The following PLEKHG1 variants were observed in gnomAD, a reference collection of about 807,000 sequenced individuals.
The protein encoded by PLEKHG1 is pleckstrin homology domain-containing family G member 1.
A neutral mutation model predicts 100.8 loss-of-function variants in PLEKHG1; 44 were observed. The observed-to-expected ratio is 0.44, with a 90% CI of 0.34 to 0.56. PLEKHG1 has a LOEUF of 0.56. Ranked by LOEUF, PLEKHG1 falls within the 20% of genes least tolerant of loss-of-function variation. The probability of loss-of-function intolerance (pLI) is 0.01; values close to 1 mark genes in which losing one functional copy is unlikely to be tolerated. For synonymous variants in PLEKHG1, 640 were observed against 662.5 expected (o/e 0.97, Z 0.52); for missense variants, 1,545 against 1,720.9 (o/e 0.90, Z 1.81).
intron 3 of PLEKHG1, among the ~76,000 whole-genome samples, chr6:150,785,713 C>A (rs541519016): frequency 6.6e-6 from 1 of 152,132 alleles, no homozygotes; most frequent in Non-Finnish European, 1.5e-5. Flanking sequence ...GAGTCCCCAA[C>A]CCCCAGGTCA....
intron 2 of PLEKHG1, among the ~76,000 whole-genome samples, chr6:150,758,916 A>C (rs1437178009): frequency 2.0e-5 from 3 of 152,010 alleles, no homozygotes; most frequent in Non-Finnish European, 1.5e-5. Context: ...GAGCTAAAAC[A>C]CCCTGCTTTC....
intron 3 of PLEKHG1, among the ~76,000 whole-genome samples, chr6:150,769,369 G>A (rs1288862372): frequency 2.0e-5 from 3 of 151,932 alleles, no homozygotes; most frequent in African/African-American, 4.8e-5. Flanking sequence ...ATCACTTGAG[G>A]TTAGGAGTTC....
At chr6:150,774,162 A>T (rs768238586) in intron 3 of PLEKHG1, among the ~76,000 whole-genome samples, 1 of 152,210 alleles carries the variant, frequency 6.6e-6, no homozygotes, top group Non-Finnish European at 1.5e-5. Context: ...CATCTTTTAC[A>T]GTTCTTCTAC....
At chr6:150,693,645 G>C (rs992857382) in intron 3 of PLEKHG1, among the ~76,000 whole-genome samples, 1 of 152,124 alleles carries the variant, frequency 6.6e-6, no homozygotes, top group Non-Finnish European at 1.5e-5. Flanking sequence ...TCCAACACTT[G>C]GCTGCTTTCT....
At chr6:150,755,936 A>C (rs71570235) in intron 2 of PLEKHG1, among the ~76,000 whole-genome samples, 21,268 of 152,168 alleles carry the variant, frequency 0.14, 162 homozygotes, top group African/African-American at 0.3. Flanking sequence ...TGGTAGATAG[A>C]AGCTGCATTT....
chr6:150,636,506 G>A (rs914641562), intron 1 of PLEKHG1, among the ~76,000 whole-genome samples: 10 of 151,320 alleles, frequency 6.6e-5, no homozygotes, highest in Non-Finnish European at 1.3e-4. Context: ...TGGTTCACTA[G>A]GGTCTTCTTC....
At chr6:150,756,065 T>G (rs914503341) in intron 2 of PLEKHG1, among the ~76,000 whole-genome samples, 2 of 152,034 alleles carry the variant, frequency 1.3e-5, no homozygotes, top group African/African-American at 4.8e-5. Flanking sequence ...CTCTCTTAGG[T>G]TAAAGAGGGA....
chr6:150,820,261 G>T (rs1162413738), intron 12 of PLEKHG1, among the ~76,000 whole-genome samples: 1 of 151,938 alleles, frequency 6.6e-6, no homozygotes, highest in African/African-American at 2.4e-5. Context: ...TATCAAGCAT[G>T]CCAGTCAACT....
At position 150,804,596 on chromosome 6, in the gene PLEKHG1, C is replaced by G; in HGVS notation, c.781-14C>G. Reference sequence around the variant, plus strand: ...AATGAAAAAAAAAAAAACCCTCGTTCTTTTTTGTTTAAGGAAATAGAAAAC... The same window carrying G: ...AATGAAAAAAAAAAAAACCCTCGTTGTTTTTTGTTTAAGGAAATAGAAAAC... On this transcript the variant is annotated splice_polypyrimidine_tract_variant and intron_variant, in intron 6 of 15. Transcript: ENST00000358517. 6.7e-7 allele frequency: 1 copy of G among 1,494,624 alleles called. No individual in the cohort carries two copies. The highest frequency in any genetic ancestry group is 9.0e-7 in the Non-Finnish European group (1 of 1,110,048). The allele number at this position is 1,494,624 out of a possible 1,614,324, so 92.6% of individuals were successfully genotyped here.
intron 2 of PLEKHG1, among the ~76,000 whole-genome samples, chr6:150,740,754 TC>T (rs1463389933): frequency 6.6e-6 from 1 of 152,210 alleles, no homozygotes; most frequent in Non-Finnish European, 1.5e-5. Flanking sequence ...TCTATTTTTT[TC>T]CTCCAAGGGA....
At chr6:150,786,253 T>A in intron 3 of PLEKHG1, 137 bp from the exon 5 acceptor site, 1 of 647,684 alleles carries the variant, frequency 1.5e-6, no homozygotes, top group Non-Finnish European at 2.7e-6. Flanking sequence ...TTGGATACAA[T>A]GACAGCAGAT....
At chr6:150,806,940 C>G (rs181723494) in intron 7 of PLEKHG1, among the ~76,000 whole-genome samples, 47 of 152,060 alleles carry the variant, frequency 3.1e-4, no homozygotes, top group Admixed American at 2.9e-3. Flanking sequence ...CACTGCCTTT[C>G]TCCCTCCCAC....
intron 1 of PLEKHG1, among the ~76,000 whole-genome samples, chr6:150,730,579 G>A (rs891241820): frequency 6.6e-5 from 10 of 152,066 alleles, no homozygotes; most frequent in African/African-American, 1.2e-4. Flanking sequence ...CTGACAGGCC[G>A]TGGACCGGTA....
chr6:150,793,519 TAAAG>T (rs1245018759), intron 4 of PLEKHG1, among the ~76,000 whole-genome samples: 4 of 152,118 alleles, frequency 2.6e-5, no homozygotes, highest in Admixed American at 6.5e-5. Flanking sequence ...AGCTAATAAA[TAAAG>T]AAGGAATAAA....
chr6:150,809,511 C>T, intron 9 of PLEKHG1, 35 bp downstream of exon 10: 1 of 1,557,214 alleles, frequency 6.4e-7, no homozygotes, highest in Admixed American at 1.7e-5. Context: ...CGCAAGGCCC[C>T]TTTGTGTAAT....
At chr6:150,633,706 G>T (rs1262407553) in intron 1 of PLEKHG1, among the ~76,000 whole-genome samples, 1 of 152,284 alleles carries the variant, frequency 6.6e-6, no homozygotes, top group East Asian at 1.9e-4. Context: ...AAACCAATTT[G>T]GTTGAGGCAG....
intron 10 of PLEKHG1, among the ~76,000 whole-genome samples, chr6:150,817,121 G>A (rs1177152869): frequency 2.0e-5 from 3 of 152,174 alleles, no homozygotes; most frequent in African/African-American, 7.2e-5. Context: ...CGGGGGTTGG[G>A]GACCCCTGCC....
chr6:150,682,266 G>T (rs1451957501), intron 3 of PLEKHG1, among the ~76,000 whole-genome samples: 1 of 152,124 alleles, frequency 6.6e-6, no homozygotes, highest in East Asian at 1.9e-4. Context: ...GTGCACTAAA[G>T]CTGCTTACCA....
At chr6:150,615,701 C>T (rs1047651851) in intron 1 of PLEKHG1, among the ~76,000 whole-genome samples, 4 of 151,998 alleles carry the variant, frequency 2.6e-5, no homozygotes, top group South Asian at 2.1e-4. Flanking sequence ...GAAATTCTAC[C>T]GAGGAATAAG....
Sources: gnomAD v4.1 joint callset for allele counts (sites outside exome capture counted in the v4.1 genomes callset) on GRCh38, gnomAD v4.1.1 for gene constraint, MANE v1.5 for transcripts, NCBI Gene and HGNC (gene_info 2026-07-23, HGNC 2026-07-21) for gene names.